The following MSMO1 variants were observed in gnomAD, a reference collection of about 807,000 sequenced individuals.
MSMO1 encodes methylsterol monooxygenase 1.
MSMO1 carries 18 observed loss-of-function variants against 30.4 expected under a neutral mutation model. The ratio of observed to expected loss-of-function variants is 0.59; its 90% CI spans 0.41 to 0.88. The LOEUF (loss-of-function observed/expected upper bound fraction) is 0.88, where lower values mean the gene tolerates loss of function less well. MSMO1 is among the 40% of genes least tolerant of loss of function. MSMO1 has a pLI of 0.00. For synonymous variants in MSMO1, 84 were observed against 107.9 expected (o/e 0.78, Z 1.37); for missense variants, 284 against 340.5 (o/e 0.83, Z 1.31).
chr4:165,340,106 C>A, intron 4 of MSMO1, 115 bp from the exon 5 acceptor site: 1 of 861,942 alleles, frequency 1.2e-6, no homozygotes, highest in Non-Finnish European at 1.9e-6. Context: ...TTCACAACAA[C>A]ATCTAGACTG....
Position 165,342,591 on chromosome 4 carries a change from A to G in MSMO1, c.*645A>G, listed in dbSNP as rs1272433952. The G allele has an allele frequency of 2.0e-5, 3 of 152,336 alleles. No individual in the cohort carries two copies. The East Asian group carries it at 5.8e-4, about 29-fold the overall frequency. The allele number at this position is 152,336 out of a possible 1,614,324, so 9.4% of individuals were successfully genotyped here. ...AGGCTGGTCTCAAACTTCTGACCTC[A>G]AGTGATCTGCCCACCTTGGCCTCCC... On this transcript the variant is annotated 3_prime_UTR_variant, in exon 6 of 6. Transcript: ENST00000261507.
intron 5 of MSMO1, 200 bp downstream of exon 5, chr4:165,340,575 T>C: frequency 1.7e-6 from 1 of 586,810 alleles, no homozygotes; most frequent in Non-Finnish European, 3.0e-6. Flanking sequence ...ATTTTTATAG[T>C]GATAATGTGT....
intron 5 of MSMO1, among the ~76,000 whole-genome samples, chr4:165,340,949 A>C (rs1747699356): frequency 6.6e-6 from 1 of 152,196 alleles, no homozygotes; most frequent in Admixed American, 6.5e-5. Flanking sequence ...TCTAAGAATT[A>C]TTTTTAAAGT....
In MSMO1 at chr4:165,340,257, T is replaced by G. The variant is rs1335922329; in HGVS notation, c.568T>G (p.Leu190Val). ...FGMEAEYAHP[L>V]ETLILGTGFF... ...AATGGAAGCTGAATATGCACATCCT[T>G]TGGAGACTCTAATTCTTGGAACTGG... The change falls in exon 5 of 6, where the codon TTG becomes GTG. Residue 190 changes from leucine (L) to valine (V), a missense_variant. Coordinates refer to ENST00000261507, the MANE Select transcript of MSMO1 (RefSeq NM_006745.5). 1.3e-5 allele frequency: 21 copies of G among 1,613,874 alleles called. No homozygotes were observed. Among genetic ancestry groups the G allele is most frequent in the Non-Finnish European group, 1.7e-5 (20 of 1,179,956 alleles).
chr4:165,339,449 A>G (rs6829944), intron 4 of MSMO1, among the ~76,000 whole-genome samples: 54,578 of 151,978 alleles, frequency 0.36, 10,978 homozygotes, highest in African/African-American at 0.52. Context: ...TTATGTGAGT[A>G]TGTTTTGCAT....
intron 2 of MSMO1, among the ~76,000 whole-genome samples, chr4:165,335,867 T>TA (rs1324259694): frequency 6.6e-6 from 1 of 152,180 alleles, no homozygotes; most frequent in Non-Finnish European, 1.5e-5. Context: ...GCATTTTTGA[T>TA]AAAAAATGTG....
intron 1 of MSMO1, among the ~76,000 whole-genome samples, chr4:165,330,384 G>C (rs1428829989): frequency 2.0e-5 from 3 of 152,206 alleles, no homozygotes; most frequent in Non-Finnish European, 4.4e-5. Flanking sequence ...GTTTCTTGTA[G>C]CTATTACATG....
At chr4:165,340,885 A>G (rs1747697436) in intron 5 of MSMO1, among the ~76,000 whole-genome samples, 1 of 152,168 alleles carries the variant, frequency 6.6e-6, no homozygotes, top group African/African-American at 2.4e-5. Context: ...TTATATGTTC[A>G]TTGCATTTTG....
At chr4:165,337,560 T>C (rs1747590025) in intron 2 of MSMO1, among the ~76,000 whole-genome samples, 1 of 152,218 alleles carries the variant, frequency 6.6e-6, no homozygotes, top group Admixed American at 6.5e-5. Context: ...TAGTGTTTCT[T>C]AGTTTGTTTG....
intron 1 of MSMO1, among the ~76,000 whole-genome samples, chr4:165,332,237 A>G (rs944444932): frequency 2.6e-5 from 4 of 152,318 alleles, no homozygotes; most frequent in African/African-American, 9.6e-5. Flanking sequence ...AAAAATCTTA[A>G]GTGGGGCTCT....
At chr4:165,328,144 G>A (rs954018610) in intron 1 of MSMO1, 4 of 152,376 alleles carry the variant, frequency 2.6e-5, no homozygotes, top group African/African-American at 9.7e-5. Flanking sequence ...TGTGCTTTGG[G>A]AGTAGTGGGG....
intron 2 of MSMO1, 118 bp from the exon 3 acceptor site, chr4:165,337,671 A>G (rs1203438156): frequency 3.0e-6 from 3 of 992,840 alleles, no homozygotes; most frequent in African/African-American, 1.6e-5. Context: ...AGTCTTAGTT[A>G]TATAAAGTTA....
At chr4:165,338,865 C>T (rs549896595) in intron 4 of MSMO1, 87 bp downstream of exon 4, 100 of 1,137,638 alleles carry the variant, frequency 8.8e-5, no homozygotes, top group Middle Eastern at 2.8e-4. Flanking sequence ...TTGTTGGTGA[C>T]GTTTTTATTT....
chr4:165,338,039 T>A, intron 3 of MSMO1, 102 bp downstream of exon 3: 1 of 1,125,022 alleles, frequency 8.9e-7, no homozygotes, highest in Non-Finnish European at 1.3e-6. Flanking sequence ...ATGTTTGTTC[T>A]AAACTTTGGA....
chr4:165,328,534 G>A (rs745943414), intron 1 of MSMO1, among the ~76,000 whole-genome samples: 4 of 152,198 alleles, frequency 2.6e-5, no homozygotes, highest in Non-Finnish European at 5.9e-5. Context: ...AGAAAATGAA[G>A]GAGCTGGTGA....
intron 3 of MSMO1, 114 bp downstream of exon 3, chr4:165,338,051 G>T: frequency 1.0e-6 from 1 of 969,334 alleles, no homozygotes; most frequent in Admixed American, 2.2e-5. Context: ...AACTTTGGAA[G>T]TAAATAAATA....
At position 165,341,994 on chromosome 4, in the gene MSMO1, G is replaced by A. The variant is rs751691594; in HGVS notation, c.*48G>A. ...AAAGATAAACGTTTTCCTGAATTCA[G>A]AAACTAGTAGCTAACATTGCTTCTG... On this transcript the variant is annotated 3_prime_UTR_variant, in exon 6 of 6. Coordinates refer to ENST00000261507, the MANE Select transcript of MSMO1 (RefSeq NM_006745.5). The A allele has an allele frequency of 2.8e-6, 4 of 1,451,182 alleles. No homozygotes were observed. In the Admixed American group the frequency reaches 6.8e-5, roughly 25 times the overall value. 89.9% of individuals were successfully genotyped at this position (1,451,182 alleles called of 1,614,324 possible). A position where few individuals can be genotyped will look rare whatever the true frequency, so the allele number is the denominator to read the frequency against.
At chr4:165,338,304 GTGTATA>G (rs70955606) in intron 3 of MSMO1, among the ~76,000 whole-genome samples, 42,708 of 101,620 alleles carry the variant, frequency 0.42, 6,547 homozygotes, top group Admixed American at 0.57. Context: ...AAATATGTAT[GTGTATA>G]TATATATATA....
chr4:165,331,517 T>C (rs1302775458), intron 1 of MSMO1, among the ~76,000 whole-genome samples: 1 of 152,014 alleles, frequency 6.6e-6, no homozygotes, highest in African/African-American at 2.4e-5. Flanking sequence ...GATGGAACAC[T>C]ATAGTCACTG....
Sources: allele counts gnomAD v4.1 joint callset (sites outside exome capture counted in the v4.1 genomes callset), GRCh38; gene constraint gnomAD v4.1.1; transcripts MANE v1.5; gene names NCBI Gene and HGNC (gene_info 2026-07-23, HGNC 2026-07-21).